The following PAPPA2 variants were observed in gnomAD, a reference collection of about 807,000 sequenced individuals.
PAPPA2 encodes pappalysin 2, also known as pappalysin-2.
A neutral mutation model predicts 176.4 loss-of-function variants in PAPPA2; 86 were observed. The observed-to-expected ratio is 0.49, with a 90% CI of 0.41 to 0.58. PAPPA2 has a LOEUF of 0.58. Among genes scored for constraint, PAPPA2 ranks in the 20% least tolerant of loss-of-function variants. The pLI, the probability that PAPPA2 is intolerant of heterozygous loss-of-function variation, is 0.00. For synonymous variants in PAPPA2, 809 were observed against 852.2 expected (o/e 0.95, Z 0.88); for missense variants, 2,073 against 2,256.9 (o/e 0.92, Z 1.65).
intron 1 of PAPPA2, among the ~76,000 whole-genome samples, chr1:176,477,707 T>C (rs1004019063): frequency 6.6e-6 from 1 of 152,004 alleles, no homozygotes; most frequent in African/African-American, 2.4e-5. Context: ...ATTGCGCCAC[T>C]GCACTCCAGC....
rs570661941 is a variant in PAPPA2 at position 176,768,560 on chromosome 1, T to A, written c.4324-1047T>A. On this transcript the variant is annotated intron_variant, in intron 15 of 22. Transcript: ENST00000367662. ...AGCTCTAACATTTCCTTCTTTACTT[T>A]CTTTTCTGCCTTTCTCCCTCCTTTT... is the stretch of plus-strand genomic sequence containing the variant. 2.6e-5 allele frequency among the ~76,000 whole-genome samples: 4 copies of A among 152,310 alleles called. No homozygotes were observed. In the South Asian group the frequency reaches 8.3e-4, roughly 32 times the overall value.
chr1:176,757,012 C>T (rs1031166033), intron 14 of PAPPA2, among the ~76,000 whole-genome samples: 4 of 152,180 alleles, frequency 2.6e-5, no homozygotes, highest in Non-Finnish European at 5.9e-5. Context: ...CCAGCTTCAT[C>T]CATGCCCCTG....
At chr1:176,804,195 A>C (rs1235188138) in intron 21 of PAPPA2, among the ~76,000 whole-genome samples, 1 of 152,186 alleles carries the variant, frequency 6.6e-6, no homozygotes, top group Non-Finnish European at 1.5e-5. Context: ...CCATCACAGA[A>C]GTATTGTTGT....
chr1:176,699,348 T>G lies in PAPPA2; in HGVS notation c.2995T>G (p.Leu999Val), dbSNP rs1660537050. The G allele has an allele frequency of 1.2e-6, 2 of 1,614,056 alleles. No individual in the cohort carries two copies. Among genetic ancestry groups the G allele is most frequent in the Non-Finnish European group, 8.5e-7 (1 of 1,180,030 alleles). The change falls in exon 8 of 23, where the codon TTA becomes GTA. Residue 999 changes from leucine (L) to valine (V), a missense_variant. By Grantham distance (32) the Leu-to-Val change is conservative. This residue lies in a region of PAPPA2 where 1,196 missense variants were observed against 1,330.4 expected (regional missense o/e 0.90). Coordinates refer to ENST00000367662, the MANE Select transcript of PAPPA2 (RefSeq NM_020318.3). ...CAAGGAGTCAGTGCACCTGGGCCCC[T>G]TAGACACTTTCTGTGACATCCCACT... ...ENKESVHLGPLDTFCDIPLTI... is the reference protein window; with the variant it reads ...ENKESVHLGPVDTFCDIPLTI...
In PAPPA2 at chr1:176,702,706, T is replaced by G; in HGVS notation, c.3336T>G (p.Ala1112=). The change falls in exon 9 of 23, where the codon GCT becomes GCG. Residue 1112 remains alanine (A), a synonymous_variant. Coordinates refer to ENST00000367662, the MANE Select transcript of PAPPA2 (RefSeq NM_020318.3). ...CTCCTCTGAACCACATTCATGGAGC[T>G]CCTTATTGTGGAGATGGGAAGGTGT... ...ASPPLNHIHG[A]PYCGDGKVSE... is the part of the protein sequence containing the mutation. 2 of 1,612,894 alleles carry G rather than the reference T, an allele frequency of 1.2e-6. No homozygotes were observed. The highest frequency in any genetic ancestry group is 1.7e-6 in the Non-Finnish European group (2 of 1,179,826).
At chr1:176,829,208 A>G (rs890976065) in intron 21 of PAPPA2, among the ~76,000 whole-genome samples, 1 of 152,026 alleles carries the variant, frequency 6.6e-6, no homozygotes, top group African/African-American at 2.4e-5. Context: ...AATCCTCAAA[A>G]TTCCTCTCAA....
At chr1:176,491,849 G>A (rs1211297920) in intron 1 of PAPPA2, among the ~76,000 whole-genome samples, 2 of 152,184 alleles carry the variant, frequency 1.3e-5, no homozygotes, top group African/African-American at 4.8e-5. Context: ...TATTATTGAA[G>A]GAGGAAAATG....
intron 3 of PAPPA2, among the ~76,000 whole-genome samples, chr1:176,655,105 T>C (rs1010687777): frequency 6.6e-6 from 1 of 151,910 alleles, no homozygotes; most frequent in Non-Finnish European, 1.5e-5. Flanking sequence ...TCCAGTACTA[T>C]GTTTGAACAG....
At position 176,595,413 on chromosome 1, in the gene PAPPA2, A is replaced by G; in HGVS notation, c.1809A>G (p.Pro603=). The G allele has an allele frequency of 1.2e-6, 2 of 1,614,044 alleles. No individual in the cohort carries two copies. Among genetic ancestry groups the G allele is most frequent in the Non-Finnish European group, 1.7e-6 (2 of 1,179,996 alleles). The part of the protein sequence containing the change: ...NDHCDPECEH[P]LTGYDGGDCR... Reference sequence around the variant, plus strand: ...ATTGTGACCCCGAGTGTGAGCACCCACTCACAGGCTATGATGGGGGTGACT... The same window carrying G: ...ATTGTGACCCCGAGTGTGAGCACCCGCTCACAGGCTATGATGGGGGTGACT... Residue 603 remains proline (P), a synonymous_variant, in exon 3 of 23, where the codon CCA becomes CCG. Transcript: ENST00000367662.
intron 1 of PAPPA2, among the ~76,000 whole-genome samples, chr1:176,486,135 A>G (rs1558396622): frequency 6.6e-6 from 1 of 152,222 alleles, no homozygotes; most frequent in Admixed American, 6.5e-5. Flanking sequence ...TACCCTCCTC[A>G]AAGGGAAATT....
At chr1:176,799,963 T>A in intron 20 of PAPPA2, 98 bp from the exon 21 acceptor site, 1 of 1,203,174 alleles carries the variant, frequency 8.3e-7, no homozygotes. Context: ...GCTTGAGAAA[T>A]GGAGTTGGAC....
chr1:176,614,935 ACTT>A (rs1280313208), intron 3 of PAPPA2, among the ~76,000 whole-genome samples: 2 of 152,146 alleles, frequency 1.3e-5, no homozygotes, highest in Non-Finnish European at 2.9e-5. Context: ...GCAGAAACCC[ACTT>A]CTTTTTTTGT....
intron 12 of PAPPA2, among the ~76,000 whole-genome samples, chr1:176,715,191 T>C (rs917410915): frequency 6.6e-6 from 1 of 152,236 alleles, no homozygotes; most frequent in Admixed American, 6.5e-5. Flanking sequence ...CCCACTGTTG[T>C]GTTAATGACA....
intron 3 of PAPPA2, among the ~76,000 whole-genome samples, chr1:176,603,388 A>G (rs544070741): frequency 1.3e-5 from 2 of 152,290 alleles, no homozygotes; most frequent in South Asian, 2.1e-4. Context: ...GTCTTCCCCT[A>G]ACCAGGCCCT....
At chr1:176,781,398 T>C (rs951188200) in intron 17 of PAPPA2, among the ~76,000 whole-genome samples, 1 of 101,066 alleles carries the variant, frequency 9.9e-6, no homozygotes, top group Non-Finnish European at 2.0e-5. Flanking sequence ...TTTTTTTTTT[T>C]GTCAGGGAAG....
chr1:176,632,686 T>C (rs1370249695), intron 3 of PAPPA2, among the ~76,000 whole-genome samples: 1 of 152,186 alleles, frequency 6.6e-6, no homozygotes, highest in African/African-American at 2.4e-5. Flanking sequence ...AAACAGAGCT[T>C]CTTTGGTAAA....
At chr1:176,745,450 G>A (rs1662861480) in intron 14 of PAPPA2, among the ~76,000 whole-genome samples, 1 of 152,180 alleles carries the variant, frequency 6.6e-6, no homozygotes, top group Admixed American at 6.5e-5. Context: ...CAAGACCAAA[G>A]GCACAATCAA....
chr1:176,488,770 C>T (rs1367901440), intron 1 of PAPPA2, among the ~76,000 whole-genome samples: 1 of 152,032 alleles, frequency 6.6e-6, no homozygotes, highest in Non-Finnish European at 1.5e-5. Context: ...AGGTTTGGTT[C>T]CTCTCTCCCC....
chr1:176,507,829 G>A (rs1025860987), intron 1 of PAPPA2, among the ~76,000 whole-genome samples: 9 of 151,924 alleles, frequency 5.9e-5, no homozygotes, highest in Admixed American at 1.3e-4. Flanking sequence ...AGTACCTGTT[G>A]GGTACTATGC....
Sources: gnomAD v4.1 joint callset for allele counts (sites outside exome capture counted in the v4.1 genomes callset) on GRCh38, gnomAD v4.1.1 for gene constraint, gnomAD v4.1.1 regional missense constraint, MANE v1.5 for transcripts, NCBI Gene and HGNC (gene_info 2026-07-23, HGNC 2026-07-21) for gene names.